The following GSDME variants were observed in gnomAD, a reference collection of about 807,000 sequenced individuals.
The protein encoded by GSDME is gasdermin E.
A neutral mutation model predicts 47.5 loss-of-function variants in GSDME; 44 were observed. The observed-to-expected ratio is 0.93, with a 90% CI of 0.73 to 1.19. The LOEUF is 1.19. Ranked by LOEUF, GSDME falls within the 50% of genes most tolerant of loss-of-function variation. GSDME has a pLI of 0.00. For synonymous variants in GSDME, 258 were observed against 252.8 expected, an observed-to-expected ratio of 1.02 and a Z score of -0.20; for missense variants, 663 against 604.2, an observed-to-expected ratio of 1.10 and a Z score of -1.02.
rs1019534801 is a variant in GSDME at position 24,756,088 on chromosome 7, A to C, written c.-20+1308T>G. 6.6e-6 allele frequency among the ~76,000 whole-genome samples: 1 copy of C among 152,368 alleles called. No individual in the cohort carries two copies. The highest frequency in any genetic ancestry group is 3.4e-3 in the Middle Eastern group (1 of 294). ...TAATATTTCATCATTTCTTTCTAAAATAAAAATCGGTATGTGAACGCAATG... is the reference window on the plus strand; with the variant it reads ...TAATATTTCATCATTTCTTTCTAAACTAAAAATCGGTATGTGAACGCAATG... On this transcript the variant is annotated intron_variant, in intron 1 of 9. Transcript: ENST00000645220. The surrounding 1 kb of genome is among the most constrained non-coding windows in gnomAD (Gnocchi z 4.2).
Position 24,736,114 on chromosome 7 carries a change from AAAG to A in GSDME, c.404+8445_404+8447del, listed in dbSNP as rs1439665353. Reference sequence around the variant, plus strand: ...ACTAAAAGGAAGACAGGAAGAAAAGAAAGAAGGAGGAGAAGACCACAAAACAAA... The same window carrying A: ...ACTAAAAGGAAGACAGGAAGAAAAGAAAGGAGGAGAAGACCACAAAACAAA... On this transcript the variant is annotated intron_variant, in intron 3 of 9. Transcript: ENST00000645220. The surrounding 1 kb of genome is among the most constrained non-coding windows in gnomAD (Gnocchi z 4.6). 1.4e-4 allele frequency among the ~76,000 whole-genome samples: 22 copies of A among 152,318 alleles called. No individual in the cohort carries two copies. Among genetic ancestry groups the A allele is most frequent in the South Asian group, 4.1e-4 (2 of 4,826 alleles).
In GSDME at chr7:24,754,084, A is replaced by T. The variant is rs1476519; in HGVS notation, c.-20+3312T>A. On this transcript the variant is annotated intron_variant, in intron 1 of 9. Transcript: ENST00000645220. This position sits in a 1 kb window ranked among gnomAD's most constrained non-coding sequence, Gnocchi z 5.0. ...TTTCACAATGCTCCAATTTGGGAGA[A>T]GATGAAAATGGCCTCAGGAGGCATC... Among the ~76,000 whole-genome samples, 19,287 of 152,284 alleles carry T rather than the reference A, an allele frequency of 0.13. 1,330 individuals carry two copies. Among genetic ancestry groups the T allele is most frequent in the Middle Eastern group, 0.21 (61 of 294 alleles).
At chr7:24,760,177 A>T (rs529371073), upstream of GSDME, among the ~76,000 whole-genome samples, 1 of 152,220 alleles carries the variant, frequency 6.6e-6, no homozygotes, top group African/African-American at 2.4e-5. This position sits in a 1 kb window ranked among gnomAD's most constrained non-coding sequence, Gnocchi z 4.2. Context: ...AAACACATCT[A>T]TTGGGTGTCG....
At chr7:24,794,287 C>CTT in the GSDME span, among the ~76,000 whole-genome samples, 63 of 110,824 alleles carry the variant, frequency 5.7e-4, no homozygotes, top group South Asian at 6.3e-3. Flanking sequence ...TTTCCTCTCT[C>CTT]TCTCTTTCTC....
the GSDME span, among the ~76,000 whole-genome samples, chr7:24,782,222 C>T: frequency 7.7e-6 from 1 of 130,360 alleles, no homozygotes; most frequent in Non-Finnish European, 1.6e-5. Flanking sequence ...CCCCCTCCCC[C>T]CACCCCACAA....
the GSDME span, among the ~76,000 whole-genome samples, chr7:24,766,078 G>C: frequency 6.6e-6 from 1 of 152,030 alleles, no homozygotes; most frequent in African/African-American, 2.4e-5. This position sits in a 1 kb window ranked among gnomAD's most constrained non-coding sequence, Gnocchi z 4.2. Flanking sequence ...ACTGAAAACA[G>C]ATTATTTCTT....
intron 2 of GSDME, among the ~76,000 whole-genome samples, chr7:24,749,173 T>C (rs1790773419): frequency 6.6e-6 from 1 of 152,210 alleles, no homozygotes; most frequent in South Asian, 2.1e-4. Flanking sequence ...GAATTCATTA[T>C]AAAGTATCTG....
intron 3 of GSDME, among the ~76,000 whole-genome samples, chr7:24,722,890 G>C (rs963109662): frequency 6.6e-6 from 1 of 152,182 alleles, no homozygotes; most frequent in Non-Finnish European, 1.5e-5. Context: ...GCCTTCAAAA[G>C]GTCTCTGTGG....
intron 3 of GSDME, among the ~76,000 whole-genome samples, chr7:24,740,312 C>A (rs1790446769): frequency 6.7e-6 from 1 of 150,252 alleles, no homozygotes; most frequent in African/African-American, 2.5e-5. Context: ...TAGGGGGATG[C>A]GAGGATAGTT....
At chr7:24,741,224 A>G (rs1360142032) in intron 3 of GSDME, among the ~76,000 whole-genome samples, 1 of 152,214 alleles carries the variant, frequency 6.6e-6, no homozygotes, top group African/African-American at 2.4e-5. Flanking sequence ...TGTGGCTTTT[A>G]TACTTATGGT....
chr7:24,741,088 A>G (rs993346812), intron 3 of GSDME, among the ~76,000 whole-genome samples: 1 of 152,186 alleles, frequency 6.6e-6, no homozygotes, highest in African/African-American at 2.4e-5. Flanking sequence ...TCTCACCTAC[A>G]GCTGGGGAAA....
At chr7:24,734,431 C>G (rs572273626) in intron 3 of GSDME, among the ~76,000 whole-genome samples, 1 of 152,242 alleles carries the variant, frequency 6.6e-6, no homozygotes, top group East Asian at 1.9e-4. Context: ...AACATGACTT[C>G]ACCAAACAAA....
rs997186424 is a variant in GSDME, at chr7:24,748,391, CT to C, written c.211+1172del. On this transcript the variant is annotated intron_variant, in intron 2 of 9. Transcript: ENST00000645220. ...GCCAGGCTGGTCTTGAACTCCTGAC[CT>C]TGTAATCCACCAGCCTCGGCCTCCC... 4.6e-5 allele frequency among the ~76,000 whole-genome samples: 7 copies of C among 152,030 alleles called. No homozygotes were observed. In the South Asian group the frequency reaches 6.2e-4, roughly 14 times the overall value.
chr7:24,727,697 C>T (rs1308509480), intron 3 of GSDME, among the ~76,000 whole-genome samples: 1 of 152,224 alleles, frequency 6.6e-6, no homozygotes, highest in Admixed American at 6.5e-5. Context: ...GTCTGCTTCT[C>T]TCTTGATAAC....
the GSDME span, among the ~76,000 whole-genome samples, chr7:24,778,098 A>C: frequency 6.6e-5 from 10 of 151,196 alleles, no homozygotes; most frequent in Non-Finnish European, 1.3e-4. This position sits in a 1 kb window ranked among gnomAD's most constrained non-coding sequence, Gnocchi z 5.6. Context: ...AGAGAGAGAG[A>C]GAGAAAGACT....
chr7:24,779,498 G>GGTGTTTGTGTGTGTGTGTGTGT, the GSDME span, among the ~76,000 whole-genome samples: 1 of 143,050 alleles, frequency 7.0e-6, no homozygotes, highest in African/African-American at 2.7e-5. This position sits in a 1 kb window ranked among gnomAD's most constrained non-coding sequence, Gnocchi z 6.0. Context: ...AGTGATACAT[G>GGTGTTTGTGTGTGTGTGTGTGT]GTGTGTGTGT....
At chr7:24,784,387 C>G in the GSDME span, among the ~76,000 whole-genome samples, 1 of 152,184 alleles carries the variant, frequency 6.6e-6, no homozygotes, top group Non-Finnish European at 1.5e-5. Flanking sequence ...CCAGTAGTTG[C>G]TCAGTCAGAG....
In GSDME at chr7:24,749,694, G is replaced by C; in HGVS notation, c.81C>G (p.Asp27Glu). 1.2e-6 allele frequency: 2 copies of C among 1,614,004 alleles called. No individual in the cohort carries two copies. Among genetic ancestry groups the C allele is most frequent in the Non-Finnish European group, 1.7e-6 (2 of 1,179,934 alleles). ...GACTTAGAAGCTGTAACTTATCAGA[G>C]TCATTCAGATTTGATACTGCAATCA... Reference protein sequence around the residue: ...GDLIAVSNLNDSDKLQLLSLV... With the variant: ...GDLIAVSNLNESDKLQLLSLV... The change falls in exon 2 of 10, where the codon GAC (aspartate) becomes GAG (glutamate). Residue 27 changes from aspartate to glutamate, a missense_variant. Transcript: ENST00000645220.
the GSDME span, among the ~76,000 whole-genome samples, chr7:24,767,282 C>T: frequency 1.3e-5 from 2 of 152,144 alleles, no homozygotes; most frequent in Admixed American, 6.5e-5. The surrounding 1 kb of genome is among the most constrained non-coding windows in gnomAD (Gnocchi z 5.3). Context: ...CAAGATTGCA[C>T]CACTGCACTC....
Sources: allele counts gnomAD v4.1 joint callset (sites outside exome capture counted in the v4.1 genomes callset), GRCh38; gene constraint gnomAD v4.1.1; non-coding constraint Gnocchi (gnomAD v3.1); transcripts MANE v1.5; gene names NCBI Gene and HGNC (gene_info 2026-07-23, HGNC 2026-07-21).